The following DPP10 variants were observed in gnomAD, a reference collection of about 807,000 sequenced individuals.
DPP10 encodes dipeptidyl peptidase like 10.
Under a neutral mutation model 120.9 loss-of-function variants are expected in DPP10, and 33 were observed. The ratio of observed to expected loss-of-function variants is 0.27; its 90% CI spans 0.21 to 0.37. The LOEUF is 0.37. DPP10 is among the 10% of genes least tolerant of loss of function. The pLI, the probability that DPP10 is intolerant of heterozygous loss-of-function variation, is 1.00. For missense variants in DPP10, 816 were observed against 942.8 expected (o/e 0.87, Z 1.76); for synonymous variants, 337 against 326.1 (o/e 1.03, Z -0.36).
chr2:114,466,272 T>TG (rs1382347613), intron 1 of DPP10, among the ~76,000 whole-genome samples: 1 of 152,192 alleles, frequency 6.6e-6, no homozygotes, highest in African/African-American at 2.4e-5. Flanking sequence ...ATTTTATCAA[T>TG]GGAAAATAAT....
chr2:115,248,023 GCAGTGATATTTT>G (rs1395735153), intron 1 of DPP10, among the ~76,000 whole-genome samples: 1 of 152,060 alleles, frequency 6.6e-6, no homozygotes, highest in African/African-American at 2.4e-5. Flanking sequence ...TCAGGGGATT[GCAGTGATATTTT>G]CCATCATTGA....
intron 1 of DPP10, among the ~76,000 whole-genome samples, chr2:115,208,042 A>G (rs567780594): frequency 6.6e-6 from 1 of 152,312 alleles, no homozygotes; most frequent in South Asian, 2.1e-4. Context: ...TAGAGCTGGA[A>G]AATCCACTAA....
At chr2:115,712,425 CCACAGA>C (rs2092348495) in intron 7 of DPP10, among the ~76,000 whole-genome samples, 2 of 150,496 alleles carry the variant, frequency 1.3e-5, no homozygotes, top group African/African-American at 2.4e-5. Context: ...TCTTAACAGG[CCACAGA>C]CTGGTCCATG....
At chr2:114,818,898 T>C (rs1402422789) in intron 1 of DPP10, among the ~76,000 whole-genome samples, 1 of 152,180 alleles carries the variant, frequency 6.6e-6, no homozygotes, top group Non-Finnish European at 1.5e-5. Context: ...TTTTAATTAT[T>C]TTGTGCCAAA....
At chr2:115,026,681 C>A (rs1316829346) in intron 1 of DPP10, among the ~76,000 whole-genome samples, 1 of 152,022 alleles carries the variant, frequency 6.6e-6, no homozygotes, top group Non-Finnish European at 1.5e-5. Flanking sequence ...GGATTACAAG[C>A]ATGCACCACC....
intron 3 of DPP10, among the ~76,000 whole-genome samples, chr2:115,409,858 C>G (rs2068809096): frequency 6.6e-6 from 1 of 152,206 alleles, no homozygotes; most frequent in East Asian, 1.9e-4. Flanking sequence ...TAATAACATT[C>G]ACAGCAACCT....
intron 1 of DPP10, among the ~76,000 whole-genome samples, chr2:115,242,335 AC>A (rs201658626): frequency 0.14 from 323 of 2,228 alleles, 3 homozygotes; most frequent in East Asian, 0.39. Context: ...CCATTAATTC[AC>A]ATTTTTTTTT....
intron 1 of DPP10, among the ~76,000 whole-genome samples, chr2:115,180,414 G>A (rs942750762): frequency 5.3e-5 from 8 of 152,062 alleles, no homozygotes; most frequent in African/African-American, 1.7e-4. Context: ...TTGGGTAATG[G>A]TACCATTTGA....
chr2:115,600,675 G>A (rs1340387731), intron 5 of DPP10, among the ~76,000 whole-genome samples: 1 of 152,196 alleles, frequency 6.6e-6, no homozygotes, highest in African/African-American at 2.4e-5. Context: ...TTTATAATTT[G>A]TAAGAGATGG....
chr2:115,333,712 G>A (rs1429757064), intron 2 of DPP10, among the ~76,000 whole-genome samples: 2 of 151,994 alleles, frequency 1.3e-5, no homozygotes, highest in Non-Finnish European at 2.9e-5. Flanking sequence ...TAAAATTCTG[G>A]GTTGAAAATT....
intron 1 of DPP10, among the ~76,000 whole-genome samples, chr2:115,148,174 CAT>C (rs2051335732): frequency 6.6e-6 from 1 of 152,180 alleles, no homozygotes; most frequent in South Asian, 2.1e-4. Flanking sequence ...CTCTATATAA[CAT>C]AGGCTGTTTA....
chr2:115,227,452 A>AT (rs929272446), intron 1 of DPP10, among the ~76,000 whole-genome samples: 22 of 152,194 alleles, frequency 1.4e-4, no homozygotes, highest in Middle Eastern at 3.4e-3. Flanking sequence ...TGTAATTTGC[A>AT]TACAGTGAAG....
chr2:115,334,912 T>C (rs543981134), intron 2 of DPP10, among the ~76,000 whole-genome samples: 1 of 151,792 alleles, frequency 6.6e-6, no homozygotes, highest in African/African-American at 2.4e-5. Context: ...TACCAGGATA[T>C]ATCTTTTTTT....
chr2:115,670,394 A>G (rs1191607958), intron 5 of DPP10, among the ~76,000 whole-genome samples: 1 of 152,068 alleles, frequency 6.6e-6, no homozygotes, highest in Non-Finnish European at 1.5e-5. Flanking sequence ...ATCCTTTTCT[A>G]GTATTCATGT....
chr2:114,444,730 T>A (rs1266676465), intron 1 of DPP10, among the ~76,000 whole-genome samples: 1 of 152,198 alleles, frequency 6.6e-6, no homozygotes, highest in East Asian at 1.9e-4. Flanking sequence ...TATTAATGGC[T>A]TAATGAAGGA....
At chr2:114,621,796 A>G (rs890264838) in intron 1 of DPP10, among the ~76,000 whole-genome samples, 1 of 151,342 alleles carries the variant, frequency 6.6e-6, no homozygotes, top group African/African-American at 2.4e-5. Context: ...TCCAATATTT[A>G]TTACCTCTTC....
At chr2:114,965,964 C>CAAAAAAAAAAAAAAAAAAAAAAAAAAAA (rs57107624) in intron 1 of DPP10, among the ~76,000 whole-genome samples, 8 of 74,804 alleles carry the variant, frequency 1.1e-4, no homozygotes, top group African/African-American at 2.6e-4. Flanking sequence ...GACTCCTTCT[C>CAAAAAAAAAAAAAAAAAAAAAAAAAAAA]AAAAAAAAAA....
chr2:115,227,185 A>G (rs753014029), intron 1 of DPP10, among the ~76,000 whole-genome samples: 1 of 152,170 alleles, frequency 6.6e-6, no homozygotes, highest in East Asian at 1.9e-4. Context: ...TTCAAATTGC[A>G]TGTATCCTTC....
At chr2:115,551,601 T>A (rs1203839059) in intron 5 of DPP10, among the ~76,000 whole-genome samples, 1 of 152,146 alleles carries the variant, frequency 6.6e-6, no homozygotes, top group Admixed American at 6.6e-5. Context: ...TTATTCCTTA[T>A]GGACAGTGAA....
Sources: allele counts gnomAD v4.1 joint callset (sites outside exome capture counted in the v4.1 genomes callset), GRCh38; gene constraint gnomAD v4.1.1; transcripts MANE v1.5; gene names NCBI Gene and HGNC (gene_info 2026-07-23, HGNC 2026-07-21).